Variants in RCHY1 observed in about 807,000 individuals in gnomAD.
RCHY1 encodes the protein ring finger and CHY zinc finger domain containing 1.
A neutral mutation model predicts 41.6 loss-of-function variants in RCHY1; 21 were observed. The ratio of observed to expected loss-of-function variants is 0.51; its 90% CI spans 0.36 to 0.73. RCHY1 has a LOEUF of 0.73. Among genes scored for constraint, RCHY1 ranks in the 30% least tolerant of loss-of-function variants. The pLI is 0.00. For missense variants in RCHY1, 265 were observed against 325.3 expected (o/e 0.81, Z 1.43); for synonymous variants, 79 against 102.9 (o/e 0.77, Z 1.41).
intron 3 of RCHY1, among the ~76,000 whole-genome samples, chr4:75,495,493 G>A (rs989002872): frequency 6.6e-6 from 1 of 151,992 alleles, no homozygotes; most frequent in Non-Finnish European, 1.5e-5. Flanking sequence ...ATACCTGGAC[G>A]TTGGGAACAG....
chr4:75,509,260 A>G lies in RCHY1; in HGVS notation c.127T>C (p.Cys43Arg), dbSNP rs748281279. ...CCDKLYTCRL[C>R]HDNNEDHQLD... is the part of the protein sequence containing the mutation. ...TGATGATCTTCATTGTTATCATGAC[A>G]CAAGCGGCAAGTATAAAGCTTGTCA... Residue 43 changes from cysteine to arginine, a missense_variant, in exon 2 of 9, where the codon TGT becomes CGT. Cys to Arg is a radical substitution (Grantham distance 180). Transcript: ENST00000324439. The G allele has an allele frequency of 2.5e-6, 4 of 1,613,326 alleles. No individual in the cohort carries two copies. Among genetic ancestry groups the G allele is most frequent in the African/African-American group, 2.7e-5 (2 of 74,924 alleles).
rs1491155979 is a variant in RCHY1, at chr4:75,487,851, TAA to T, written c.657+2728_657+2729del. Among the ~76,000 whole-genome samples, 4 of 83,332 alleles carry T rather than the reference TAA, an allele frequency of 4.8e-5. No homozygotes were observed. In the East Asian group the frequency reaches 9.7e-4, roughly 20 times the overall value. 54.7% of individuals were successfully genotyped at this position (83,332 alleles called of 152,430 possible). A position where few individuals can be genotyped will look rare whatever the true frequency, so the allele number is the denominator to read the frequency against. On this transcript the variant is annotated intron_variant, in intron 8 of 8. Coordinates refer to ENST00000324439, the MANE Select transcript of RCHY1 (RefSeq NM_015436.4). ...TATATATATTCATAATATATATTCA[TAA>T]TATATATATTCATAATATATATTCA...
At position 75,512,922 on chromosome 4, in the gene RCHY1, G is replaced by A. The variant is rs1725081912; in HGVS notation, c.90+1275C>T. Reference sequence around the variant, plus strand: ...ATTTAAGGGGGGGGGGGGGGCGGGGGAAGGCAAAAACTGTTTGACACCTAG... The same window carrying A: ...ATTTAAGGGGGGGGGGGGGGCGGGGAAAGGCAAAAACTGTTTGACACCTAG... On this transcript the variant is annotated intron_variant, in intron 1 of 8. Transcript: ENST00000324439. Among the ~76,000 whole-genome samples the A allele has an allele frequency of 3.0e-5, 4 of 133,116 alleles. No homozygotes were observed. In the South Asian group the frequency reaches 8.4e-4, roughly 28 times the overall value. 87.3% of individuals were successfully genotyped at this position (133,116 alleles called of 152,430 possible).
At chr4:75,498,153 G>A (rs576807759) in intron 3 of RCHY1, among the ~76,000 whole-genome samples, 3 of 148,396 alleles carry the variant, frequency 2.0e-5, no homozygotes, top group South Asian at 4.2e-4. Context: ...AAGAGAAGAC[G>A]TAAGAACTCA....
intron 3 of RCHY1, among the ~76,000 whole-genome samples, chr4:75,500,360 C>T (rs773711804): frequency 2.0e-5 from 3 of 152,126 alleles, no homozygotes; most frequent in Admixed American, 6.5e-5. Flanking sequence ...GTTACTTCCT[C>T]ACTTTTTAAA....
intron 8 of RCHY1, among the ~76,000 whole-genome samples, chr4:75,489,609 AC>A (rs1722568397): frequency 2.6e-5 from 4 of 152,214 alleles, no homozygotes; most frequent in Admixed American, 2.6e-4. Flanking sequence ...TTGACCCCTT[AC>A]GAAATAATCA....
At position 75,504,826 on chromosome 4, in the gene RCHY1, C is replaced by T. The variant is rs1047943670; in HGVS notation, c.326+3994G>A. On this transcript the variant is annotated intron_variant, in intron 3 of 8. Coordinates refer to ENST00000324439, the MANE Select transcript of RCHY1 (RefSeq NM_015436.4). Reference sequence around the variant, plus strand: ...TAATTTTCACTATCCTTTATTCTTTCGTCTGCACATTATTCACAAAAGGGC... The same window carrying T: ...TAATTTTCACTATCCTTTATTCTTTTGTCTGCACATTATTCACAAAAGGGC... Among the ~76,000 whole-genome samples, 4 of 152,120 alleles carry T rather than the reference C, an allele frequency of 2.6e-5. No individual in the cohort carries two copies. The East Asian group carries it at 5.8e-4, about 22-fold the overall frequency.
Position 75,479,359 on chromosome 4 carries a change from T to C in RCHY1, c.*3179A>G, listed in dbSNP as rs1721349728. On this transcript the variant is annotated 3_prime_UTR_variant, in exon 9 of 9. Coordinates refer to ENST00000324439, the MANE Select transcript of RCHY1 (RefSeq NM_015436.4). ...TTCATTTCAAATTAAACTATTCAAC[T>C]AGTGAATACCTATTGCCAGGCACTT... 3 of 152,140 alleles carry C rather than the reference T, an allele frequency of 2.0e-5. No individual in the cohort carries two copies. The highest frequency in any genetic ancestry group is 2.0e-4 in the Admixed American group (3 of 15,272). 9.4% of individuals were successfully genotyped at this position (152,140 alleles called of 1,614,324 possible). A position where few individuals can be genotyped will look rare whatever the true frequency, so the allele number is the denominator to read the frequency against.
At chr4:75,494,325 A>T in intron 3 of RCHY1, 146 bp from the exon 4 acceptor site, 15 of 623,384 alleles carry the variant, frequency 2.4e-5, no homozygotes, top group Non-Finnish European at 3.1e-5. Flanking sequence ...TCTCCCCAAC[A>T]TCCCTCTCCA....
At chr4:75,496,473 G>T (rs996288409) in intron 3 of RCHY1, among the ~76,000 whole-genome samples, 8 of 152,052 alleles carry the variant, frequency 5.3e-5, no homozygotes, top group African/African-American at 1.9e-4. Flanking sequence ...ATACCCATCA[G>T]CACATGGATG....
chr4:75,487,350 T>C (rs542691203), intron 8 of RCHY1, among the ~76,000 whole-genome samples: 2 of 150,482 alleles, frequency 1.3e-5, no homozygotes, highest in East Asian at 3.9e-4. Flanking sequence ...CTCAGGACTT[T>C]TAATTGTTTA....
intron 3 of RCHY1, among the ~76,000 whole-genome samples, chr4:75,500,340 T>C (rs1723633202): frequency 6.6e-6 from 1 of 152,194 alleles, no homozygotes; most frequent in Non-Finnish European, 1.5e-5. Flanking sequence ...TTAATAACAA[T>C]GAGAAACTGG....
chr4:75,493,045 C>T (rs1412780726), intron 4 of RCHY1, among the ~76,000 whole-genome samples: 1 of 151,924 alleles, frequency 6.6e-6, no homozygotes, highest in East Asian at 1.9e-4. Context: ...TTAGTGTGTG[C>T]ACACACACTA....
intron 8 of RCHY1, among the ~76,000 whole-genome samples, chr4:75,483,346 T>C (rs1721689013): frequency 6.6e-6 from 1 of 152,070 alleles, no homozygotes; most frequent in Non-Finnish European, 1.5e-5. Flanking sequence ...AAGCAGAAAA[T>C]TTCCAAATTT....
At chr4:75,512,174 C>A (rs1271589341) in intron 1 of RCHY1, among the ~76,000 whole-genome samples, 1 of 152,196 alleles carries the variant, frequency 6.6e-6, no homozygotes, top group Non-Finnish European at 1.5e-5. Context: ...TGGACACTTA[C>A]TACCACGTTT....
chr4:75,505,834 T>C (rs1440430298), intron 3 of RCHY1, among the ~76,000 whole-genome samples: 1 of 152,150 alleles, frequency 6.6e-6, no homozygotes, highest in East Asian at 1.9e-4. Context: ...AAAGCAAATA[T>C]ACTGAGGCAA....
rs189623840 is a variant in RCHY1 at position 75,484,963 on chromosome 4, T to C, written c.658-2297A>G. ...AGTGAAGCTTCTAAAAATATTTCAA[T>C]ATTTTTATTGCCTTAAAAAAAAGAT... is the stretch of plus-strand genomic sequence containing the variant. On this transcript the variant is annotated intron_variant, in intron 8 of 8. Transcript: ENST00000324439. 2.3e-4 allele frequency among the ~76,000 whole-genome samples: 35 copies of C among 152,266 alleles called. No homozygotes were observed. The East Asian group carries it at 5.4e-3, about 23-fold the overall frequency.
At chr4:75,510,134 A>G (rs1724726136) in intron 1 of RCHY1, among the ~76,000 whole-genome samples, 1 of 152,202 alleles carries the variant, frequency 6.6e-6, no homozygotes, top group Non-Finnish European at 1.5e-5. Context: ...AACACGGCAA[A>G]GACTGCCAGT....
chr4:75,483,059 T>C (rs560107198), intron 8 of RCHY1, among the ~76,000 whole-genome samples: 50 of 152,276 alleles, frequency 3.3e-4, no homozygotes, highest in African/African-American at 1.2e-3. Flanking sequence ...AACCAAAATT[T>C]TTACACAAAT....
Sources: allele counts gnomAD v4.1 joint callset (sites outside exome capture counted in the v4.1 genomes callset), GRCh38; gene constraint gnomAD v4.1.1; transcripts MANE v1.5; gene names NCBI Gene and HGNC (gene_info 2026-07-23, HGNC 2026-07-21).